Variants in EYS observed in about 807,000 individuals in gnomAD.
The protein encoded by EYS is EGF-like photoreceptor maintenance factor.
In EYS, 250 loss-of-function variants were observed where a neutral mutation model predicts 282.1. The observed-to-expected ratio is 0.89, with a 90% CI of 0.80 to 0.98. The LOEUF (loss-of-function observed/expected upper bound fraction) is 0.98. EYS is among the 50% of genes least tolerant of loss of function. The pLI, the probability that EYS is intolerant of heterozygous loss-of-function variation, is 0.00. For synonymous variants in EYS, 1,355 were observed against 1,282.9 expected, an observed-to-expected ratio of 1.06 and a Z score of -1.20; for missense variants, 4,016 against 3,709.0, an observed-to-expected ratio of 1.08 and a Z score of -2.15.
At chr6:64,438,179 T>A (rs1033179203) in intron 27 of EYS, among the ~76,000 whole-genome samples, 8 of 151,744 alleles carry the variant, frequency 5.3e-5, no homozygotes, top group African/African-American at 1.9e-4. Context: ...AAGGTTCTTA[T>A]AACACTTACC....
intron 28 of EYS, among the ~76,000 whole-genome samples, chr6:64,389,641 C>T (rs1229196107): frequency 6.6e-6 from 1 of 152,104 alleles, no homozygotes; most frequent in Non-Finnish European, 1.5e-5. Context: ...CCCAAAAGCC[C>T]AAAAATATTT....
chr6:65,047,097 C>CTT (rs1390228188), intron 13 of EYS, among the ~76,000 whole-genome samples: 3 of 126,224 alleles, frequency 2.4e-5, no homozygotes, highest in South Asian at 2.4e-4. Context: ...AATTAAACCT[C>CTT]TTTTTTTTTT....
chr6:65,637,004 C>T (rs1441079195), intron 2 of EYS, among the ~76,000 whole-genome samples: 6 of 152,018 alleles, frequency 3.9e-5, no homozygotes, highest in South Asian at 4.1e-4. Context: ...AATTTTGTAG[C>T]GATGGCATCC....
At chr6:65,535,328 C>G (rs1767924020) in intron 2 of EYS, among the ~76,000 whole-genome samples, 1 of 152,030 alleles carries the variant, frequency 6.6e-6, no homozygotes, top group African/African-American at 2.4e-5. Flanking sequence ...TTGGGAGGAA[C>G]CCAGTGGGAG....
At chr6:64,789,995 C>T (rs866861470) in intron 22 of EYS, among the ~76,000 whole-genome samples, 9 of 151,078 alleles carry the variant, frequency 6.0e-5, no homozygotes, top group East Asian at 1.9e-4. Flanking sequence ...CTTTTTTTTA[C>T]GAGGAAGATA....
intron 22 of EYS, among the ~76,000 whole-genome samples, chr6:64,626,800 T>C (rs754695932): frequency 3.9e-5 from 6 of 152,174 alleles, no homozygotes; most frequent in Non-Finnish European, 7.3e-5. Flanking sequence ...TGGTAATTTA[T>C]TATGTCATTC....
intron 26 of EYS, among the ~76,000 whole-genome samples, chr6:64,470,727 A>G (rs1383565777): frequency 6.6e-6 from 1 of 152,224 alleles, no homozygotes. Context: ...TAGCTTAAGC[A>G]GAAGAAAAAA....
At chr6:64,994,930 G>A (rs558267019) in intron 14 of EYS, among the ~76,000 whole-genome samples, 10 of 152,224 alleles carry the variant, frequency 6.6e-5, no homozygotes, top group African/African-American at 2.4e-4. Context: ...GGAAGGACCG[G>A]CCCTTTACTG....
At chr6:64,281,188 T>A (rs1237048108) in intron 30 of EYS, among the ~76,000 whole-genome samples, 1 of 152,096 alleles carries the variant, frequency 6.6e-6, no homozygotes, top group East Asian at 1.9e-4. Context: ...TCAGTTAATC[T>A]CTGATCAGAA....
chr6:65,561,319 C>A (rs768530525), intron 2 of EYS, among the ~76,000 whole-genome samples: 1 of 152,142 alleles, frequency 6.6e-6, no homozygotes, highest in Admixed American at 6.5e-5. Context: ...TTCCATTAAC[C>A]AAACCTAAAC....
In EYS at chr6:65,402,542, A is replaced by T. The variant is rs1194096170; in HGVS notation, c.1120T>A (p.Cys374Ser). The stretch of plus-strand genomic sequence containing the variant: ...TTATTCCTCAAAGGAAATGACTCAC[A>T]TGATGTTTGAATGCTCTTACAAAGC... ...DLLCKSIQTSCESFPLRNNAT... is the reference protein window; with the variant it reads ...DLLCKSIQTSSESFPLRNNAT... Residue 374 changes from cysteine to serine, a missense_variant, in exon 7 of 43, where the codon TGT becomes AGT. Transcript: ENST00000503581. The T allele has an allele frequency of 2.6e-6, 4 of 1,561,932 alleles. No homozygotes were observed. Among genetic ancestry groups the T allele is most frequent in the Non-Finnish European group, 3.5e-6 (4 of 1,133,498 alleles).
At chr6:64,452,703 C>T (rs960772345) in intron 26 of EYS, among the ~76,000 whole-genome samples, 7 of 152,024 alleles carry the variant, frequency 4.6e-5, no homozygotes, top group African/African-American at 1.7e-4. Context: ...GAAATAATGC[C>T]GCATATCTAC....
At chr6:64,944,617 A>C (rs568096668) in intron 15 of EYS, among the ~76,000 whole-genome samples, 3 of 152,166 alleles carry the variant, frequency 2.0e-5, no homozygotes, top group East Asian at 3.9e-4. Flanking sequence ...GAAAGACCTG[A>C]CCGTCCCCCA....
At chr6:65,423,889 A>G (rs1401387373) in intron 5 of EYS, among the ~76,000 whole-genome samples, 1 of 152,026 alleles carries the variant, frequency 6.6e-6, no homozygotes, top group East Asian at 1.9e-4. Flanking sequence ...TATCCCTGAG[A>G]GTGTTTATTT....
intron 22 of EYS, among the ~76,000 whole-genome samples, chr6:64,634,479 G>A (rs144487279): frequency 4.7e-4 from 71 of 151,158 alleles, no homozygotes; most frequent in Middle Eastern, 6.8e-3. Context: ...AGGCTAATAC[G>A]GGCAAACTTC....
At chr6:65,349,770 T>C (rs1235417795) in intron 9 of EYS, among the ~76,000 whole-genome samples, 1 of 151,376 alleles carries the variant, frequency 6.6e-6, no homozygotes. Context: ...ACTAATACAA[T>C]TAGTATGAAG....
intron 1 of EYS, among the ~76,000 whole-genome samples, chr6:65,685,740 G>A (rs1312965014): frequency 6.6e-6 from 1 of 151,938 alleles, no homozygotes; most frequent in Non-Finnish European, 1.5e-5. Context: ...CAGTTAATAT[G>A]TCCAAATTTC....
At chr6:64,417,059 T>C (rs73455406) in intron 28 of EYS, among the ~76,000 whole-genome samples, 27 of 152,278 alleles carry the variant, frequency 1.8e-4, no homozygotes, top group African/African-American at 6.5e-4. Flanking sequence ...GGTACTGCAA[T>C]AATAATGACA....
At position 64,839,835 on chromosome 6, in the gene EYS, T is replaced by A. The variant is rs55840067; in HGVS notation, c.2993-17013A>T. On this transcript the variant is annotated intron_variant, in intron 19 of 42. Transcript: ENST00000503581. Reference sequence around the variant, plus strand: ...AAGGACAAATAGGAAGGGTCTACCTTCCAGCCTTTTCATAAGGCACTAATC... The same window carrying A: ...AAGGACAAATAGGAAGGGTCTACCTACCAGCCTTTTCATAAGGCACTAATC... Among the ~76,000 whole-genome samples, 844 of 152,136 alleles carry A rather than the reference T, an allele frequency of 5.5e-3. 8 individuals are homozygous for A. The highest frequency in any genetic ancestry group is 9.4e-3 in the Non-Finnish European group (638 of 67,994).
Sources: allele counts gnomAD v4.1 joint callset (sites outside exome capture counted in the v4.1 genomes callset), GRCh38; gene constraint gnomAD v4.1.1; transcripts MANE v1.5; gene names NCBI Gene and HGNC (gene_info 2026-07-23, HGNC 2026-07-21).